RALGAPA2: variants seen among roughly 807,000 people sequenced by gnomAD.
The protein encoded by RALGAPA2 is ral GTPase-activating protein subunit alpha-2.
In RALGAPA2, 139 loss-of-function variants were observed where a neutral mutation model predicts 230.4. The ratio of observed to expected loss-of-function variants is 0.60; its 90% CI spans 0.53 to 0.69. The LOEUF (loss-of-function observed/expected upper bound fraction) is 0.69, where lower values mean the gene tolerates loss of function less well. Ranked by LOEUF, RALGAPA2 falls within the 30% of genes least tolerant of loss-of-function variation. The probability of loss-of-function intolerance (pLI) is 0.00; values close to 1 mark genes in which losing one functional copy is unlikely to be tolerated. For synonymous variants in RALGAPA2, 847 were observed against 837.8 expected, an observed-to-expected ratio of 1.01 and a Z score of -0.19; for missense variants, 2,163 against 2,276.0, an observed-to-expected ratio of 0.95 and a Z score of 1.01.
intron 31 of RALGAPA2, among the ~76,000 whole-genome samples, chr20:20,520,168 C>A (rs528482119): frequency 3.9e-5 from 6 of 152,302 alleles, no homozygotes; most frequent in African/African-American, 1.4e-4. Flanking sequence ...AGGACAATAT[C>A]ACAGTCAGGA....
chr20:20,673,746 G>T (rs972637184), intron 3 of RALGAPA2, among the ~76,000 whole-genome samples: 5 of 152,064 alleles, frequency 3.3e-5, no homozygotes. Flanking sequence ...CAATCTTATA[G>T]AACTATGTTA....
chr20:20,665,842 C>G (rs2067941332), intron 3 of RALGAPA2, among the ~76,000 whole-genome samples: 1 of 152,198 alleles, frequency 6.6e-6, no homozygotes, highest in South Asian at 2.1e-4. Context: ...GTATCCAGTA[C>G]AGGCGATAGC....
intron 10 of RALGAPA2, among the ~76,000 whole-genome samples, chr20:20,624,199 T>C (rs960693075): frequency 2.0e-5 from 3 of 151,938 alleles, no homozygotes; most frequent in Non-Finnish European, 4.4e-5. Context: ...TGGTGATGCA[T>C]GCCTGTAATC....
At chr20:20,567,728 C>A (rs988862749) in intron 23 of RALGAPA2, among the ~76,000 whole-genome samples, 1 of 151,672 alleles carries the variant, frequency 6.6e-6, no homozygotes, top group African/African-American at 2.4e-5. Context: ...TACTATGGCT[C>A]ACACCTGTAA....
chr20:20,681,835 G>A (rs1239997814), intron 1 of RALGAPA2, among the ~76,000 whole-genome samples: 1 of 151,956 alleles, frequency 6.6e-6, no homozygotes, highest in East Asian at 1.9e-4. Context: ...CTTCAGCCTG[G>A]GCAAGAGTGA....
chr20:20,400,698 C>T (rs1396137037), intron 38 of RALGAPA2, among the ~76,000 whole-genome samples: 1 of 152,172 alleles, frequency 6.6e-6, no homozygotes, highest in Non-Finnish European at 1.5e-5. Flanking sequence ...CTTTACCAGA[C>T]TGAATTCACA....
intron 36 of RALGAPA2, among the ~76,000 whole-genome samples, chr20:20,488,076 C>CA (rs1223346788): frequency 6.6e-6 from 1 of 152,124 alleles, no homozygotes; most frequent in African/African-American, 2.4e-5. Context: ...ACAATTGGCC[C>CA]ACAAATACCA....
At chr20:20,690,022 CTAAGGT>C (rs1240977220) in intron 1 of RALGAPA2, among the ~76,000 whole-genome samples, 4 of 152,096 alleles carry the variant, frequency 2.6e-5, no homozygotes, top group Non-Finnish European at 5.9e-5. Context: ...CTTTTTCAGT[CTAAGGT>C]TATTTATAGA....
intron 23 of RALGAPA2, among the ~76,000 whole-genome samples, chr20:20,569,426 T>C (rs1051133356): frequency 2.0e-5 from 3 of 152,192 alleles, no homozygotes; most frequent in African/African-American, 7.2e-5. Context: ...TAGAGATTTA[T>C]GATATCCTCA....
intron 39 of RALGAPA2, 40 bp from the exon 40 acceptor site, chr20:20,393,293 C>T (rs772126077): frequency 2.5e-5 from 31 of 1,261,552 alleles, no homozygotes; most frequent in Admixed American, 1.5e-4. Context: ...ATGGAGGCAA[C>T]GGCGGCTCTA....
chr20:20,662,284 G>T (rs2067807443), intron 3 of RALGAPA2, among the ~76,000 whole-genome samples: 1 of 151,472 alleles, frequency 6.6e-6, no homozygotes, highest in African/African-American at 2.4e-5. Context: ...ATTATTTGTG[G>T]ATTTTAAACA....
At chr20:20,404,809 C>T (rs761311500) in intron 38 of RALGAPA2, among the ~76,000 whole-genome samples, 2 of 152,144 alleles carry the variant, frequency 1.3e-5, no homozygotes, top group African/African-American at 4.8e-5. Context: ...CAGAACCTAA[C>T]GCAGCATTTC....
At chr20:20,612,120 C>T (rs985046134) in intron 13 of RALGAPA2, among the ~76,000 whole-genome samples, 4 of 152,206 alleles carry the variant, frequency 2.6e-5, no homozygotes, top group Non-Finnish European at 5.9e-5. Flanking sequence ...AGTACAGAGA[C>T]AACATAACAC....
chr20:20,447,439 G>T (rs537460206), intron 37 of RALGAPA2, among the ~76,000 whole-genome samples: 10 of 152,236 alleles, frequency 6.6e-5, no homozygotes, highest in African/African-American at 2.4e-4. Context: ...AAGATGCAGA[G>T]AGCTCAACAG....
chr20:20,407,878 G>A (rs1248663042), intron 38 of RALGAPA2, among the ~76,000 whole-genome samples: 1 of 152,188 alleles, frequency 6.6e-6, no homozygotes, highest in Admixed American at 6.5e-5. Flanking sequence ...GACCGACTCA[G>A]ACTAATCTGG....
intron 36 of RALGAPA2, among the ~76,000 whole-genome samples, chr20:20,473,973 A>G (rs1255933301): frequency 6.6e-6 from 1 of 152,232 alleles, no homozygotes; most frequent in Non-Finnish European, 1.5e-5. Flanking sequence ...CCCTGAATTT[A>G]TTGAGCTTGG....
Position 20,677,628 on chromosome 20 carries a change from C to CT in RALGAPA2, c.218-1341_218-1340insA, listed in dbSNP as rs1568741580. 3.3e-3 allele frequency among the ~76,000 whole-genome samples: 401 copies of CT among 121,778 alleles called. 8 individuals carry two copies. Among genetic ancestry groups the CT allele is most frequent in the South Asian group, 6.5e-3 (24 of 3,710 alleles). 79.9% of individuals were successfully genotyped at this position (121,778 alleles called of 152,430 possible). A position where few individuals can be genotyped will look rare whatever the true frequency, so the allele number is the denominator to read the frequency against. ...AGCAGCCAAGAATCATGATTTGACC[C>CT]ATTTTTTTTTTTTTTTTTTTTTTTT... is the stretch of plus-strand genomic sequence containing the variant. On this transcript the variant is annotated intron_variant, in intron 2 of 39. Coordinates refer to ENST00000202677, the MANE Select transcript of RALGAPA2 (RefSeq NM_020343.4).
intron 26 of RALGAPA2, among the ~76,000 whole-genome samples, chr20:20,532,855 G>A (rs2063401997): frequency 6.6e-6 from 1 of 152,108 alleles, no homozygotes; most frequent in Admixed American, 6.6e-5. Flanking sequence ...AGTGAGGCAG[G>A]AGCAAAATTA....
intron 37 of RALGAPA2, among the ~76,000 whole-genome samples, chr20:20,422,619 T>C (rs1308366246): frequency 7.9e-5 from 12 of 151,986 alleles, no homozygotes; most frequent in African/African-American, 2.4e-4. Flanking sequence ...GTGCACACTA[T>C]GTACTGTGAG....
Sources: gnomAD v4.1 joint callset for allele counts (sites outside exome capture counted in the v4.1 genomes callset) on GRCh38, gnomAD v4.1.1 for gene constraint, MANE v1.5 for transcripts, NCBI Gene and HGNC (gene_info 2026-07-23, HGNC 2026-07-21) for gene names.